The following PTGER4 variants were observed in gnomAD, a reference collection of about 807,000 sequenced individuals.
PTGER4 encodes the protein prostaglandin E2 receptor EP4 subtype.
Under a neutral mutation model 33.2 loss-of-function variants are expected in PTGER4, and 11 were observed. The observed-to-expected ratio is 0.33, with a 90% CI of 0.21 to 0.55. The LOEUF (loss-of-function observed/expected upper bound fraction) is 0.55, where lower values mean the gene tolerates loss of function less well. Among genes scored for constraint, PTGER4 ranks in the 20% least tolerant of loss-of-function variants. PTGER4 has a pLI of 0.92. For missense variants in PTGER4, 481 were observed against 650.2 expected (o/e 0.74, Z 2.83); for synonymous variants, 275 against 281.5 (o/e 0.98, Z 0.23).
At chr5:40,699,455 T>G in the PTGER4 span, among the ~76,000 whole-genome samples, 1 of 152,274 alleles carries the variant, frequency 6.6e-6, no homozygotes, top group African/African-American at 2.4e-5. Context: ...ACCAAATCTA[T>G]AGAAACTATA....
At chr5:40,719,441 T>C in the PTGER4 span, among the ~76,000 whole-genome samples, 49,143 of 152,172 alleles carry the variant, frequency 0.32, 8,427 homozygotes, top group East Asian at 0.56. Flanking sequence ...ATTTTGTTTA[T>C]CTATTTGTCA....
Position 40,691,800 on chromosome 5 carries a change from T to A in PTGER4, c.889T>A (p.Leu297Ile). 1 of 1,613,862 alleles carries A rather than the reference T, an allele frequency of 6.2e-7. No individual in the cohort carries two copies. Among genetic ancestry groups the A allele is most frequent in the Non-Finnish European group, 8.5e-7 (1 of 1,179,882 alleles). Residue 297 changes from leucine (L) to isoleucine (I), a missense_variant, in exon 3 of 3, where the codon TTA becomes ATA. Leu to Ile is a conservative substitution (Grantham distance 5). Transcript: ENST00000302472. The surrounding 1 kb of genome is among the most constrained non-coding windows in gnomAD (Gnocchi z 4.2). ...GCAGGTGCGAGTATTCGTCAACCAGTTATATCAGCCAAGTTTGGAGCGAGA... is the reference window on the plus strand; with the variant it reads ...GCAGGTGCGAGTATTCGTCAACCAGATATATCAGCCAAGTTTGGAGCGAGA... ...PLVVRVFVNQLYQPSLEREVS... is the reference protein window; with the variant it reads ...PLVVRVFVNQIYQPSLEREVS...
chr5:40,737,641 G>A, the PTGER4 span, among the ~76,000 whole-genome samples: 6 of 152,086 alleles, frequency 3.9e-5, no homozygotes, highest in African/African-American at 7.2e-5. Flanking sequence ...TTTCTGATGA[G>A]TTTTGAGAAA....
downstream of PTGER4, among the ~76,000 whole-genome samples, chr5:40,697,272 AAGAAAGAAAGAAAGAAAGAAAG>A (rs1741632297): frequency 1.5e-5 from 2 of 135,700 alleles, no homozygotes; most frequent in Non-Finnish European, 3.3e-5. Flanking sequence ...GAAAGAAAGA[AAGAAAGAAAGAAAGAAAGAAAG>A]AAAAAGAAAG....
At chr5:40,694,120 A>G (rs895979196), downstream of PTGER4, among the ~76,000 whole-genome samples, 13 of 152,048 alleles carry the variant, frequency 8.5e-5, no homozygotes, top group Admixed American at 2.0e-4. Flanking sequence ...GCACAATCTC[A>G]GCTCACTGCA....
chr5:40,708,489 T>C, the PTGER4 span, among the ~76,000 whole-genome samples: 22 of 152,222 alleles, frequency 1.4e-4, no homozygotes, highest in African/African-American at 3.9e-4. Flanking sequence ...CAGGAAGAAG[T>C]TGAATCTCTG....
At chr5:40,746,068 C>T in the PTGER4 span, among the ~76,000 whole-genome samples, 3 of 152,128 alleles carry the variant, frequency 2.0e-5, no homozygotes, top group Non-Finnish European at 4.4e-5. Context: ...GTATTAGATA[C>T]AGACACAGTT....
intron 2 of PTGER4, among the ~76,000 whole-genome samples, chr5:40,690,082 G>A (rs909922674): frequency 3.3e-5 from 5 of 152,128 alleles, no homozygotes; most frequent in East Asian, 1.9e-4. Flanking sequence ...GCTCACTCCT[G>A]TAATTTTAGC....
the PTGER4 span, among the ~76,000 whole-genome samples, chr5:40,699,235 G>C: frequency 6.6e-6 from 1 of 151,284 alleles, no homozygotes; most frequent in Non-Finnish European, 1.5e-5. Context: ...GATTATAAAG[G>C]ATGAAAAGAC....
chr5:40,703,121 A>T, the PTGER4 span, among the ~76,000 whole-genome samples: 4 of 152,158 alleles, frequency 2.6e-5, no homozygotes, highest in Non-Finnish European at 4.4e-5. Context: ...AGCAGAACAA[A>T]TCAACTGCAA....
the PTGER4 span, among the ~76,000 whole-genome samples, chr5:40,707,701 T>C: frequency 5.9e-5 from 9 of 151,934 alleles, no homozygotes; most frequent in Non-Finnish European, 1.2e-4. Flanking sequence ...TCTACAGAAC[T>C]CTCCACCCCA....
chr5:40,725,216 G>A, the PTGER4 span, among the ~76,000 whole-genome samples: 3 of 150,652 alleles, frequency 2.0e-5, no homozygotes, highest in Non-Finnish European at 3.0e-5. Flanking sequence ...CAAACTCCTG[G>A]CCTCAAGCAA....
chr5:40,682,289 G>A (rs1159596611), intron 2 of PTGER4, among the ~76,000 whole-genome samples: 1 of 152,160 alleles, frequency 6.6e-6, no homozygotes. Context: ...TCTGTTCGTT[G>A]TAAACCATTT....
the PTGER4 span, among the ~76,000 whole-genome samples, chr5:40,719,036 C>A: frequency 1.3e-5 from 2 of 152,200 alleles, no homozygotes; most frequent in Admixed American, 1.3e-4. Flanking sequence ...AAAGCTAATG[C>A]CTTAGGAAAC....
the PTGER4 span, among the ~76,000 whole-genome samples, chr5:40,724,659 A>C: frequency 1.6e-4 from 24 of 152,188 alleles, no homozygotes; most frequent in South Asian, 4.0e-3. Flanking sequence ...AACAAACAAA[A>C]AAAAACAGAA....
At chr5:40,728,479 A>G in the PTGER4 span, 1 of 1,590,018 alleles carries the variant, frequency 6.3e-7, no homozygotes, top group African/African-American at 1.4e-5. Flanking sequence ...ATTAGCACCT[A>G]TAGGCAAAAA....
chr5:40,717,774 A>C, the PTGER4 span, among the ~76,000 whole-genome samples: 1 of 152,220 alleles, frequency 6.6e-6, no homozygotes, highest in Non-Finnish European at 1.5e-5. Flanking sequence ...TTAAGATTGC[A>C]CTTAATCGGC....
chr5:40,691,307 G>A lies in PTGER4; in HGVS notation c.868-472G>A, dbSNP rs1186330619. Among the ~76,000 whole-genome samples, 3 of 152,216 alleles carry A rather than the reference G, an allele frequency of 2.0e-5. No individual in the cohort carries two copies. Among genetic ancestry groups the A allele is most frequent in the Admixed American group, 6.5e-5 (1 of 15,288 alleles). On this transcript the variant is annotated intron_variant, in intron 2 of 2. Coordinates refer to ENST00000302472, the MANE Select transcript of PTGER4 (RefSeq NM_000958.3). The surrounding 1 kb of genome is among the most constrained non-coding windows in gnomAD (Gnocchi z 4.2). ...AATGATTCTCCTGCCTCAGCCTCCC[G>A]AGTAGCTGGGACTACAGGCGCATGC...
the PTGER4 span, among the ~76,000 whole-genome samples, chr5:40,722,435 G>C: frequency 6.7e-6 from 1 of 148,314 alleles, no homozygotes; most frequent in Non-Finnish European, 1.5e-5. Context: ...GCCTCTTCCC[G>C]GCCGTCATCC....
Sources: allele counts gnomAD v4.1 joint callset (sites outside exome capture counted in the v4.1 genomes callset), GRCh38; gene constraint gnomAD v4.1.1; non-coding constraint Gnocchi (gnomAD v3.1); transcripts MANE v1.5; gene names NCBI Gene and HGNC (gene_info 2026-07-23, HGNC 2026-07-21).